The following XPNPEP1 variants were observed in gnomAD, a reference collection of about 807,000 sequenced individuals.
XPNPEP1 encodes X-prolyl aminopeptidase 1.
A neutral mutation model predicts 92.4 loss-of-function variants in XPNPEP1; 39 were observed. The observed-to-expected ratio is 0.42, with a 90% CI of 0.33 to 0.55. XPNPEP1 has a LOEUF of 0.55. Among genes scored for constraint, XPNPEP1 ranks in the 20% least tolerant of loss-of-function variants. XPNPEP1 has a pLI of 0.08. For missense variants in XPNPEP1, 654 were observed against 856.1 expected (o/e 0.76, Z 2.95); for synonymous variants, 307 against 299.4 (o/e 1.03, Z -0.26).
chr10:109,870,248 G>C (rs1012104205), intron 18 of XPNPEP1, among the ~76,000 whole-genome samples: 2 of 152,182 alleles, frequency 1.3e-5, no homozygotes, highest in Non-Finnish European at 2.9e-5. Flanking sequence ...TGAAGTCCCT[G>C]CACACTGGCT....
intron 3 of XPNPEP1, among the ~76,000 whole-genome samples, chr10:109,906,512 G>A (rs1327967520): frequency 1.3e-5 from 2 of 152,182 alleles, no homozygotes; most frequent in Non-Finnish European, 2.9e-5. Flanking sequence ...CTGAGGCCCT[G>A]ACACACATAA....
chr10:109,883,898 T>C (rs571226446), intron 9 of XPNPEP1, 169 bp downstream of exon 9: 7 of 626,100 alleles, frequency 1.1e-5, no homozygotes, highest in African/African-American at 7.4e-5. Context: ...AGGATATAAA[T>C]AAACACCTAC....
intron 1 of XPNPEP1, among the ~76,000 whole-genome samples, chr10:109,920,070 C>T (rs1258232136): frequency 6.6e-6 from 1 of 152,006 alleles, no homozygotes. Flanking sequence ...AGAAATCACA[C>T]CTATGACATA....
chr10:109,883,359 T>C (rs1029279373), intron 9 of XPNPEP1, among the ~76,000 whole-genome samples: 2 of 152,072 alleles, frequency 1.3e-5, no homozygotes, highest in East Asian at 3.9e-4. Flanking sequence ...TTATCCTTAC[T>C]CTCTGCTTCA....
intron 3 of XPNPEP1, among the ~76,000 whole-genome samples, chr10:109,903,845 C>CTT (rs111845864): frequency 1.1e-4 from 15 of 135,602 alleles, no homozygotes; most frequent in African/African-American, 2.5e-4. Context: ...GTTGGTCAAT[C>CTT]TTTTTTTTTT....
At chr10:109,893,097 A>T (rs760133542) in intron 3 of XPNPEP1, 22 bp from the exon 4 acceptor site, 3 of 1,611,024 alleles carry the variant, frequency 1.9e-6, no homozygotes, top group Non-Finnish European at 8.5e-7. Context: ...AGATGACAAC[A>T]AAGTGGGCCT....
intron 1 of XPNPEP1, among the ~76,000 whole-genome samples, chr10:109,921,903 G>T (rs1384240590): frequency 6.6e-6 from 1 of 152,176 alleles, no homozygotes; most frequent in Non-Finnish European, 1.5e-5. Flanking sequence ...AGGAAGGAGG[G>T]CTCAACTTCT....
At chr10:109,909,481 T>G (rs3758409) in intron 2 of XPNPEP1, among the ~76,000 whole-genome samples, 32,996 of 152,178 alleles carry the variant, frequency 0.22, 4,515 homozygotes, top group Admixed American at 0.42. Context: ...TTCTTAAACT[T>G]GTTTCATCTA....
intron 5 of XPNPEP1, among the ~76,000 whole-genome samples, chr10:109,889,290 C>T (rs1048125007): frequency 1.3e-5 from 2 of 152,230 alleles, no homozygotes; most frequent in Non-Finnish European, 2.9e-5. Context: ...GCAACCTCCA[C>T]CACCTGGATT....
chr10:109,910,568 T>A (rs1186426560), intron 2 of XPNPEP1, among the ~76,000 whole-genome samples: 1 of 151,634 alleles, frequency 6.6e-6, no homozygotes, highest in East Asian at 1.9e-4. Context: ...AAAGACAATA[T>A]GCATTTAAGG....
Position 109,894,343 on chromosome 10 carries a change from G to A in XPNPEP1, c.247-1268C>T, listed in dbSNP as rs576093578. Among the ~76,000 whole-genome samples, 3 of 152,026 alleles carry A rather than the reference G, an allele frequency of 2.0e-5. No homozygotes were observed. The South Asian group carries it at 6.2e-4, about 32-fold the overall frequency. ...GCCCAGGAACTCGAGACCAGCCTGG[G>A]AGCATGGTGAAACCTCATGTCTACA... On this transcript the variant is annotated intron_variant, in intron 3 of 20. Coordinates refer to ENST00000502935, the MANE Select transcript of XPNPEP1 (RefSeq NM_020383.4).
At chr10:109,879,137 G>C (rs936663327) in intron 12 of XPNPEP1, among the ~76,000 whole-genome samples, 3 of 152,006 alleles carry the variant, frequency 2.0e-5, no homozygotes, top group African/African-American at 4.8e-5. Flanking sequence ...AGCTAGTCGG[G>C]AGGCTGAGGC....
intron 12 of XPNPEP1, among the ~76,000 whole-genome samples, 175 bp downstream of exon 12, chr10:109,880,013 T>G (rs547383673): frequency 6.6e-6 from 1 of 151,524 alleles, no homozygotes; most frequent in Non-Finnish European, 1.5e-5. Flanking sequence ...TTAAGGAATT[T>G]TGAAATCTAC....
At chr10:109,874,657 A>C (rs1480133873) in intron 15 of XPNPEP1, among the ~76,000 whole-genome samples, 1 of 152,228 alleles carries the variant, frequency 6.6e-6, no homozygotes, top group Non-Finnish European at 1.5e-5. Flanking sequence ...CAGCACTAAA[A>C]GGTCTTGCTC....
intron 1 of XPNPEP1, among the ~76,000 whole-genome samples, chr10:109,917,136 G>C (rs1850237879): frequency 6.6e-6 from 1 of 150,864 alleles, no homozygotes; most frequent in Non-Finnish European, 1.5e-5. Flanking sequence ...TCTATCTAGG[G>C]TAAGTAGGCA....
Position 109,878,010 on chromosome 10 carries a change from C to G in XPNPEP1, c.1231G>C (p.Glu411Gln). Residue 411 changes from glutamate to glutamine, a missense_variant, in exon 13 of 21, where the codon GAG becomes CAG. Physicochemically the swap from Glu to Gln is conservative, Grantham distance 29. Coordinates refer to ENST00000502935, the MANE Select transcript of XPNPEP1 (RefSeq NM_020383.4). ...CAAATGGATCCTTACCTGCGAAACT[C>G]CTCAGCTTTGTCAGCAGCTGAGATC... Reference protein sequence around the residue: ...TEISAADKAEEFRRQQADFVD... With the variant: ...TEISAADKAEQFRRQQADFVD... The G allele has an allele frequency of 6.2e-7, 1 of 1,614,242 alleles. No individual in the cohort carries two copies. Among genetic ancestry groups the G allele is most frequent in the Non-Finnish European group, 8.5e-7 (1 of 1,180,044 alleles).
At chr10:109,877,891 G>C in intron 13 of XPNPEP1, 24 bp from the exon 14 acceptor site, 1 of 1,614,182 alleles carries the variant, frequency 6.2e-7, no homozygotes, top group African/African-American at 1.3e-5. Flanking sequence ...ACAGAAAGCA[G>C]AGTGGCTTAA....
At chr10:109,910,544 C>CA (rs200098456) in intron 2 of XPNPEP1, among the ~76,000 whole-genome samples, 2,889 of 100,406 alleles carry the variant, frequency 0.029, 49 homozygotes, top group South Asian at 0.16. Context: ...AACTCTGTCT[C>CA]AAAAAAAAAA....
chr10:109,880,705 C>A, intron 11 of XPNPEP1, 137 bp downstream of exon 11: 1 of 710,826 alleles, frequency 1.4e-6, no homozygotes, highest in Non-Finnish European at 2.3e-6. Flanking sequence ...CCCTCAATAA[C>A]TCCTCCTGGA....
Sources: gnomAD v4.1 joint callset for allele counts (sites outside exome capture counted in the v4.1 genomes callset) on GRCh38, gnomAD v4.1.1 for gene constraint, MANE v1.5 for transcripts, NCBI Gene and HGNC (gene_info 2026-07-23, HGNC 2026-07-21) for gene names.